Variants in FBXO36 observed in about 807,000 individuals in gnomAD.
The protein encoded by FBXO36 is F-box only protein 36.
In FBXO36, 18 loss-of-function variants were observed where a neutral mutation model predicts 17.0. That is an observed-to-expected ratio of 1.06 (90% CI 0.73 to 1.57). The LOEUF (loss-of-function observed/expected upper bound fraction) is 1.57, where lower values mean the gene tolerates loss of function less well. Among genes scored for constraint, FBXO36 ranks in the 40% most tolerant of loss-of-function variants. FBXO36 has a pLI of 0.00. For synonymous variants in FBXO36, 83 were observed against 85.3 expected, an observed-to-expected ratio of 0.97 and a Z score of 0.15; for missense variants, 229 against 221.9, an observed-to-expected ratio of 1.03 and a Z score of -0.20.
At chr2:229,938,535 T>A (rs1357018302) in intron 1 of FBXO36, among the ~76,000 whole-genome samples, 354 of 118,302 alleles carry the variant, frequency 3.0e-3, no homozygotes, top group Middle Eastern at 6.6e-3. Context: ...CCCAGGCTGG[T>A]ATGCAATGGC....
At chr2:229,988,609 A>C (rs896165279) in intron 2 of FBXO36, among the ~76,000 whole-genome samples, 8 of 152,056 alleles carry the variant, frequency 5.3e-5, no homozygotes, top group Admixed American at 3.9e-4. Context: ...ATTTCAGCTC[A>C]CTACAAGCTC....
intron 3 of FBXO36, among the ~76,000 whole-genome samples, chr2:229,999,489 A>C (rs530128459): frequency 1.4e-5 from 2 of 146,230 alleles, no homozygotes; most frequent in Admixed American, 1.4e-4. Flanking sequence ...GTGTGTGTGT[A>C]TATATATATG....
chr2:229,976,042 A>G (rs982487077), intron 1 of FBXO36, among the ~76,000 whole-genome samples, 199 bp from the exon 2 acceptor site: 39 of 152,292 alleles, frequency 2.6e-4, no homozygotes, highest in African/African-American at 8.4e-4. Context: ...TTCTAGCACT[A>G]TGGTTTTGTG....
intron 2 of FBXO36, among the ~76,000 whole-genome samples, chr2:229,993,166 G>C (rs1429020072): frequency 6.6e-6 from 1 of 152,140 alleles, no homozygotes; most frequent in Non-Finnish European, 1.5e-5. Context: ...GCCATATTTT[G>C]AAATGGCCCT....
intron 1 of FBXO36, among the ~76,000 whole-genome samples, chr2:229,947,740 A>G (rs1358540195): frequency 6.6e-6 from 1 of 152,234 alleles, no homozygotes; most frequent in East Asian, 1.9e-4. Flanking sequence ...AAAGTCTAGA[A>G]TGACTCAACT....
intron 1 of FBXO36, among the ~76,000 whole-genome samples, chr2:229,961,105 T>C (rs1188006709): frequency 1.3e-5 from 2 of 150,826 alleles, no homozygotes; most frequent in Non-Finnish European, 3.0e-5. Flanking sequence ...CGAGACTCCA[T>C]CTCAAAAAAA....
chr2:229,929,606 C>T (rs1000980264), intron 1 of FBXO36, among the ~76,000 whole-genome samples: 4 of 151,916 alleles, frequency 2.6e-5, no homozygotes, highest in African/African-American at 7.3e-5. Context: ...GGCGCGGTGG[C>T]TCATGCCTGT....
intron 1 of FBXO36, among the ~76,000 whole-genome samples, chr2:229,975,883 C>T (rs2077205581): frequency 6.6e-6 from 1 of 152,006 alleles, no homozygotes; most frequent in Admixed American, 6.6e-5. Context: ...TCTCGGCTCA[C>T]TGCAACCTCC....
At chr2:229,995,592 C>CTTTTTTTTTTTT (rs748422157) in intron 2 of FBXO36, among the ~76,000 whole-genome samples, 10 of 114,550 alleles carry the variant, frequency 8.7e-5, no homozygotes, top group South Asian at 2.8e-4. Context: ...CTCTTTCTTT[C>CTTTTTTTTTTTT]TTTCTTTTTT....
At chr2:230,000,240 C>T (rs1369727558) in intron 3 of FBXO36, among the ~76,000 whole-genome samples, 1 of 151,360 alleles carries the variant, frequency 6.6e-6, no homozygotes, top group Non-Finnish European at 1.5e-5. Context: ...GGCCTGTAAT[C>T]CCAGGTAGTT....
At chr2:229,975,132 G>A (rs964078550) in intron 1 of FBXO36, among the ~76,000 whole-genome samples, 41 of 152,304 alleles carry the variant, frequency 2.7e-4, no homozygotes, top group Middle Eastern at 6.8e-3. Flanking sequence ...CATAACCATG[G>A]AAATGAAGTT....
chr2:229,999,208 C>A (rs2077344462), intron 3 of FBXO36, among the ~76,000 whole-genome samples: 1 of 148,274 alleles, frequency 6.7e-6, no homozygotes, highest in African/African-American at 2.5e-5. Context: ...CTGACTGCAA[C>A]CTCCGCCTAT....
At position 229,990,906 on chromosome 2, in the gene FBXO36, T is replaced by G. The variant is rs537750356; in HGVS notation, c.206-5845T>G. Reference sequence around the variant, plus strand: ...TAATTAATCAGTGAATTCATTTTATTTACTGGTCACAGTCTCTTGGGTTTT... The same window carrying G: ...TAATTAATCAGTGAATTCATTTTATGTACTGGTCACAGTCTCTTGGGTTTT... On this transcript the variant is annotated intron_variant, in intron 2 of 3. Transcript: ENST00000283946. Among the ~76,000 whole-genome samples the G allele has an allele frequency of 1.2e-4, 18 of 152,292 alleles. No homozygotes were observed. In the South Asian group the frequency reaches 3.7e-3, roughly 32 times the overall value.
intron 3 of FBXO36, among the ~76,000 whole-genome samples, chr2:230,002,132 G>A (rs750253641): frequency 1.4e-4 from 22 of 152,070 alleles, no homozygotes; most frequent in Non-Finnish European, 3.1e-4. Context: ...GCCATTGCTC[G>A]GCCTATTGTT....
chr2:229,982,799 A>G (rs908297125), intron 2 of FBXO36, among the ~76,000 whole-genome samples: 40 of 131,592 alleles, frequency 3.0e-4, no homozygotes, highest in African/African-American at 1.1e-3. Context: ...AAAAAAAAAA[A>G]GGATCCTTAA....
chr2:230,004,373 A>G (rs1353789145), intron 3 of FBXO36, among the ~76,000 whole-genome samples: 2 of 152,178 alleles, frequency 1.3e-5, no homozygotes, highest in Admixed American at 1.3e-4. Flanking sequence ...CTTCCATATC[A>G]ATTTTGTTTA....
intron 1 of FBXO36, among the ~76,000 whole-genome samples, chr2:229,975,606 T>C (rs1271642446): frequency 6.6e-6 from 1 of 150,982 alleles, no homozygotes; most frequent in African/African-American, 2.4e-5. Flanking sequence ...TCACAAGTAG[T>C]GGGGACTACA....
chr2:229,964,246 T>C (rs2106184851), intron 1 of FBXO36, among the ~76,000 whole-genome samples: 1 of 152,290 alleles, frequency 6.6e-6, no homozygotes, highest in South Asian at 2.1e-4. Flanking sequence ...AAATCACTCT[T>C]TTCAGGTGGC....
chr2:229,993,299 A>C (rs1051906497), intron 2 of FBXO36, among the ~76,000 whole-genome samples: 43 of 152,188 alleles, frequency 2.8e-4, no homozygotes, highest in African/African-American at 8.7e-4. Flanking sequence ...AATAGGAAAC[A>C]CTGGTCATTT....
Sources: allele counts gnomAD v4.1 joint callset (sites outside exome capture counted in the v4.1 genomes callset), GRCh38; gene constraint gnomAD v4.1.1; transcripts MANE v1.5; gene names NCBI Gene and HGNC (gene_info 2026-07-23, HGNC 2026-07-21).